PPP6R3: variants seen among roughly 807,000 people sequenced by gnomAD.
The protein encoded by PPP6R3 is serine/threonine-protein phosphatase 6 regulatory subunit 3.
PPP6R3 carries 38 observed loss-of-function variants against 110.7 expected under a neutral mutation model. The ratio of observed to expected loss-of-function variants is 0.34; its 90% CI spans 0.26 to 0.45. The LOEUF (loss-of-function observed/expected upper bound fraction) is 0.45. PPP6R3 is among the 20% of genes least tolerant of loss of function. PPP6R3 has a pLI of 1.00. For missense variants in PPP6R3, 870 were observed against 1,062.4 expected (o/e 0.82, Z 2.52); for synonymous variants, 369 against 373.5 (o/e 0.99, Z 0.14).
At chr11:68,475,229 G>A (rs535194849) in intron 1 of PPP6R3, among the ~76,000 whole-genome samples, 1 of 152,102 alleles carries the variant, frequency 6.6e-6, no homozygotes, top group Non-Finnish European at 1.5e-5. Flanking sequence ...CACAGGGTTG[G>A]GGGTAAGGTC....
intron 1 of PPP6R3, among the ~76,000 whole-genome samples, chr11:68,470,988 A>G (rs1252192014): frequency 6.6e-6 from 1 of 151,994 alleles, no homozygotes; most frequent in Non-Finnish European, 1.5e-5. Context: ...GCAGATAGAA[A>G]TAGGAGTCTT....
chr11:68,463,663 G>A (rs2098724404), intron 1 of PPP6R3, among the ~76,000 whole-genome samples: 1 of 152,162 alleles, frequency 6.6e-6, no homozygotes, highest in African/African-American at 2.4e-5. Flanking sequence ...GTTATGGTCT[G>A]CACCCCAGTA....
chr11:68,463,355 GAAAAAAAAAAAA>G (rs1156285158), intron 1 of PPP6R3, among the ~76,000 whole-genome samples: 3 of 54,626 alleles, frequency 5.5e-5, no homozygotes, highest in Non-Finnish European at 1.1e-4. Context: ...CTCAGTCTCA[GAAAAAAAAAAAA>G]AAAAAAAAAA....
At chr11:68,609,526 ATAT>A (rs1483479989) in intron 22 of PPP6R3, 2 of 1,430,958 alleles carry the variant, frequency 1.4e-6, no homozygotes, top group Admixed American at 3.9e-5. Context: ...AGTCGTGGAC[ATAT>A]TATTCCCCCA....
At chr11:68,545,207 A>G (rs908547684) in intron 4 of PPP6R3, among the ~76,000 whole-genome samples, 183 bp downstream of exon 4, 5 of 152,240 alleles carry the variant, frequency 3.3e-5, no homozygotes, top group Admixed American at 1.3e-4. Flanking sequence ...AATATTTCTA[A>G]TATGGCATAA....
chr11:68,476,558 A>G (rs1276795275), intron 1 of PPP6R3, among the ~76,000 whole-genome samples: 1 of 152,314 alleles, frequency 6.6e-6, no homozygotes, highest in Non-Finnish European at 1.5e-5. Context: ...ATGTACATAC[A>G]TATCTAAATA....
At chr11:68,486,847 T>G (rs1252448386) in intron 1 of PPP6R3, among the ~76,000 whole-genome samples, 1 of 152,126 alleles carries the variant, frequency 6.6e-6, no homozygotes, top group Non-Finnish European at 1.5e-5. Flanking sequence ...TTCCATTTCA[T>G]TTAGGTTATT....
chr11:68,515,638 T>G (rs1254238007), intron 1 of PPP6R3, among the ~76,000 whole-genome samples: 1 of 152,208 alleles, frequency 6.6e-6, no homozygotes, highest in African/African-American at 2.4e-5. Flanking sequence ...CTTTCGAGAT[T>G]ATGACCCAGA....
chr11:68,490,419 G>A (rs1374735800), intron 1 of PPP6R3, among the ~76,000 whole-genome samples: 1 of 151,500 alleles, frequency 6.6e-6, no homozygotes, highest in Non-Finnish European at 1.5e-5. Context: ...TTTTTTTTTG[G>A]TGGGGGGTAA....
At chr11:68,588,054 C>A (rs771168395) in intron 16 of PPP6R3, 30 bp downstream of exon 16, 25 of 1,548,130 alleles carry the variant, frequency 1.6e-5, no homozygotes, top group Non-Finnish European at 2.1e-5. Context: ...TCCGCTGTTG[C>A]TCTTGCACAC....
At chr11:68,532,051 T>G (rs1319549419) in intron 2 of PPP6R3, among the ~76,000 whole-genome samples, 1 of 152,244 alleles carries the variant, frequency 6.6e-6, no homozygotes, top group Non-Finnish European at 1.5e-5. Context: ...TTGTTCTACC[T>G]CTTATAAATA....
intron 6 of PPP6R3, 37 bp from the exon 7 acceptor site, chr11:68,554,108 C>A: frequency 2.1e-6 from 3 of 1,412,330 alleles, no homozygotes; most frequent in Non-Finnish European, 2.0e-6. Context: ...TAACTTCTAA[C>A]ATGTTTTATG....
At chr11:68,553,043 T>G (rs576606453) in intron 6 of PPP6R3, among the ~76,000 whole-genome samples, 2 of 152,338 alleles carry the variant, frequency 1.3e-5, no homozygotes, top group East Asian at 3.9e-4. Flanking sequence ...AAGGAAATGC[T>G]AGGCTCCTGA....
At chr11:68,499,101 C>CT (rs144293788) in intron 1 of PPP6R3, among the ~76,000 whole-genome samples, 13 of 151,312 alleles carry the variant, frequency 8.6e-5, no homozygotes, top group East Asian at 1.9e-4. Flanking sequence ...ATGTTTAAGC[C>CT]TTTTTTTTTC....
At chr11:68,524,411 G>T (rs1408532728) in intron 2 of PPP6R3, among the ~76,000 whole-genome samples, 1 of 152,116 alleles carries the variant, frequency 6.6e-6, no homozygotes, top group Non-Finnish European at 1.5e-5. Context: ...TTCAGAACAG[G>T]ATATGCTATT....
intron 5 of PPP6R3, 117 bp downstream of exon 5, chr11:68,548,321 C>A (rs2099357270): frequency 7.5e-7 from 1 of 1,330,894 alleles, no homozygotes. Flanking sequence ...AGAGGGTTGT[C>A]TGGGGAGCCG....
At chr11:68,591,528 T>G (rs199874869) in intron 17 of PPP6R3, 48 bp from the exon 18 acceptor site, 107 of 1,511,668 alleles carry the variant, frequency 7.1e-5, no homozygotes, top group African/African-American at 1.4e-5. Context: ...AGAAGATAAC[T>G]TGACTTTAAA....
intron 1 of PPP6R3, among the ~76,000 whole-genome samples, chr11:68,499,101 CT>C (rs144293788): frequency 0.011 from 1,657 of 151,310 alleles, 37 homozygotes; most frequent in African/African-American, 0.038. Context: ...ATGTTTAAGC[CT>C]TTTTTTTTCT....
At chr11:68,571,230 C>G (rs1421608332) in intron 12 of PPP6R3, 126 bp downstream of exon 12, 4 of 1,245,118 alleles carry the variant, frequency 3.2e-6, no homozygotes, top group Non-Finnish European at 4.2e-6. Flanking sequence ...ACAATTTAAA[C>G]TTTTCCCCAG....
Sources: gnomAD v4.1 joint callset for allele counts (sites outside exome capture counted in the v4.1 genomes callset) on GRCh38, gnomAD v4.1.1 for gene constraint, MANE v1.5 for transcripts, NCBI Gene and HGNC (gene_info 2026-07-23, HGNC 2026-07-21) for gene names.